Variants in SIDT2 observed in about 807,000 individuals in gnomAD.
The protein encoded by SIDT2 is SID1 transmembrane family member 2, also known as SID1 transmembrane family, member 2.
In SIDT2, 68 loss-of-function variants were observed where a neutral mutation model predicts 114.4. The observed-to-expected ratio is 0.59, with a 90% CI of 0.49 to 0.73. The LOEUF is 0.73. Ranked by LOEUF, SIDT2 falls within the 30% of genes least tolerant of loss-of-function variation. The probability of loss-of-function intolerance (pLI) is 0.00; values close to 1 mark genes in which losing one functional copy is unlikely to be tolerated. For synonymous variants in SIDT2, 470 were observed against 438.4 expected (o/e 1.07, Z -0.90); for missense variants, 918 against 1,097.1 (o/e 0.84, Z 2.31).
At chr11:117,185,871 CAA>C (rs34117588) in intron 8 of SIDT2, 1,992 of 178,988 alleles carry the variant, frequency 0.011, no homozygotes, top group South Asian at 0.033. Context: ...GAGCCCGTCT[CAA>C]AAAAAAAAAA....
In SIDT2 at chr11:117,182,549, G is replaced by C. The variant is rs770034122; in HGVS notation, c.547G>C (p.Asp183His). 3.1e-6 allele frequency: 5 copies of C among 1,614,066 alleles called. No homozygotes were observed. Among genetic ancestry groups the C allele is most frequent in the Non-Finnish European group, 4.2e-6 (5 of 1,180,034 alleles). The change falls in exon 5 of 26, where the codon GAC (aspartate) becomes CAC (histidine). Residue 183 changes from aspartate to histidine, a missense_variant. Asp to His is a moderately conservative substitution (Grantham distance 81). Transcript: ENST00000324225. ...YFKYEFPEGVDSVIVKVTSNK... is the reference protein window; with the variant it reads ...YFKYEFPEGVHSVIVKVTSNK... ...CAAGTATGAGTTCCCTGAAGGCGTGGACTCGGTAATTGTCAAGGTGACCTC... is the reference window on the plus strand; with the variant it reads ...CAAGTATGAGTTCCCTGAAGGCGTGCACTCGGTAATTGTCAAGGTGACCTC...
At position 117,179,379 on chromosome 11, in the gene SIDT2, A is replaced by G. The variant is rs2030171681; in HGVS notation, c.116A>G (p.Tyr39Cys). Reference sequence around the variant, plus strand: ...AAAGACGCCGAGTTTGAGCGCACCTACGTGGACGAGGTCAACAGCGAGCTG... The same window carrying G: ...AAAGACGCCGAGTTTGAGCGCACCTGCGTGGACGAGGTCAACAGCGAGCTG... ...SQKDAEFERT[Y>C]VDEVNSELVN... is the part of the protein sequence containing the mutation. Residue 39 changes from tyrosine to cysteine, a missense_variant, in exon 1 of 26, where the codon TAC (tyrosine) becomes TGC (cysteine). Tyr to Cys is a radical substitution (Grantham distance 194, BLOSUM62 -2). Coordinates refer to ENST00000324225, the MANE Select transcript of SIDT2 (RefSeq NM_001040455.2). 1.9e-6 allele frequency: 3 copies of G among 1,613,966 alleles called. No homozygotes were observed. The highest frequency in any genetic ancestry group is 1.3e-5 in the African/African-American group (1 of 74,904).
chr11:117,187,541 C>T, intron 11 of SIDT2, 87 bp from the exon 12 acceptor site: 1 of 1,589,390 alleles, frequency 6.3e-7, no homozygotes. Context: ...GAGCCACCTC[C>T]TCCAGCCCCC....
chr11:117,190,838 C>T lies in SIDT2; in HGVS notation c.1735+98C>T, dbSNP rs1312576601. 2.1e-6 allele frequency: 2 copies of T among 956,164 alleles called. No homozygotes were observed. The highest frequency in any genetic ancestry group is 2.4e-5 in the East Asian group (1 of 41,586). The allele number at this position is 956,164 out of a possible 1,614,324, so 59.2% of individuals were successfully genotyped here. On this transcript the variant is annotated intron_variant, in intron 18 of 25. Coordinates refer to ENST00000324225, the MANE Select transcript of SIDT2 (RefSeq NM_001040455.2). The surrounding 1 kb of genome is among the most constrained non-coding windows in gnomAD (Gnocchi z 4.1). ...TCACCCACAGGGATCGCTAAGACAC[C>T]CCTGTAGGAAACTCCAAGGCTGGCG... is the stretch of plus-strand genomic sequence containing the variant.
At chr11:117,183,943 AGAGCCTGC>A in intron 7 of SIDT2, 65 bp downstream of exon 7, 1 of 1,516,934 alleles carries the variant, frequency 6.6e-7, no homozygotes. Flanking sequence ...GGGAGCAAGA[AGAGCCTGC>A]GTGGCTGATT....
At chr11:117,183,732 T>A (rs1401182460) in intron 6 of SIDT2, 47 bp from the exon 7 acceptor site, 1 of 1,129,800 alleles carries the variant, frequency 8.9e-7, no homozygotes, top group East Asian at 2.4e-5. Context: ...TAGAAAAGAA[T>A]GATGATGATG....
intron 24 of SIDT2, among the ~76,000 whole-genome samples, chr11:117,194,858 G>T (rs1282262494): frequency 6.6e-6 from 1 of 152,024 alleles, no homozygotes; most frequent in Non-Finnish European, 1.5e-5. Context: ...GGAGGCCGAA[G>T]CGGGTGGATC....
In SIDT2 at chr11:117,179,332, G is replaced by A; in HGVS notation, c.69G>A (p.Leu23=). Reference sequence around the variant, plus strand: ...CGGTCGAGAGCCATCTGGGGGTTCTGGGGCCCAAGAACGTCTCGCAGAAAG... The same window carrying A: ...CGGTCGAGAGCCATCTGGGGGTTCTAGGGCCCAAGAACGTCTCGCAGAAAG... ...VASVESHLGV[L]GPKNVSQKDA... The change falls in exon 1 of 26, where the codon CTG becomes CTA. Residue 23 remains leucine (L), a synonymous_variant. Coordinates refer to ENST00000324225, the MANE Select transcript of SIDT2 (RefSeq NM_001040455.2). 1 of 1,614,180 alleles carries A rather than the reference G, an allele frequency of 6.2e-7. No homozygotes were observed. The highest frequency in any genetic ancestry group is 1.3e-5 in the African/African-American group (1 of 75,058).
chr11:117,182,002 G>T, intron 3 of SIDT2, 31 bp downstream of exon 3: 10 of 1,614,090 alleles, frequency 6.2e-6, no homozygotes, highest in Non-Finnish European at 8.5e-6. Flanking sequence ...GGACCACGGG[G>T]GCTGGTTCTT....
chr11:117,186,966 C>T (rs775349471), intron 10 of SIDT2: 63 of 1,468,528 alleles, frequency 4.3e-5, no homozygotes, highest in Non-Finnish European at 5.3e-5. Flanking sequence ...TGTCCTCCCT[C>T]CTGCGTGGGA....
chr11:117,178,989 C>A lies in SIDT2; in HGVS notation c.-275C>A, dbSNP rs1290341349. The A allele has an allele frequency of 4.2e-6, 2 of 478,346 alleles. No individual in the cohort carries two copies. The highest frequency in any genetic ancestry group is 7.5e-6 in the Non-Finnish European group (2 of 266,424). The allele number at this position is 478,346 out of a possible 1,614,324, so 29.6% of individuals were successfully genotyped here. Reference sequence around the variant, plus strand: ...GGCCCGGGGCTCCAGGGTCTCAGGTCGTACTCAGCCCCTCGCGAGCTGGGA... The same window carrying A: ...GGCCCGGGGCTCCAGGGTCTCAGGTAGTACTCAGCCCCTCGCGAGCTGGGA... On this transcript the variant is annotated 5_prime_UTR_variant, in exon 1 of 26. Coordinates refer to ENST00000324225, the MANE Select transcript of SIDT2 (RefSeq NM_001040455.2).
In SIDT2 at chr11:117,192,944, A is replaced by G. The variant is rs2030758086; in HGVS notation, c.2105+78A>G. 7.6e-6 allele frequency: 12 copies of G among 1,570,422 alleles called. No individual in the cohort carries two copies. The South Asian group carries it at 1.3e-4, about 17-fold the overall frequency. ...TCAGCCACTGGCTGCCTTGGGGGCT[A>G]AGGACAACTTCCAAATGTTGGGCAT... is the stretch of plus-strand genomic sequence containing the variant. On this transcript the variant is annotated intron_variant, in intron 22 of 25. Coordinates refer to ENST00000324225, the MANE Select transcript of SIDT2 (RefSeq NM_001040455.2). This position sits in a 1 kb window ranked among gnomAD's most constrained non-coding sequence, Gnocchi z 5.9.
intron 6 of SIDT2, among the ~76,000 whole-genome samples, chr11:117,183,213 C>T (rs2030363348): frequency 1.3e-5 from 2 of 151,146 alleles, no homozygotes; most frequent in South Asian, 4.2e-4. Flanking sequence ...GGCATGGTGG[C>T]GCATGCCTGT....
chr11:117,187,766 TG>T, intron 12 of SIDT2, 67 bp downstream of exon 12: 3 of 1,515,248 alleles, frequency 2.0e-6, no homozygotes, highest in Non-Finnish European at 2.7e-6. Context: ...AATGTCACGG[TG>T]GGCGGTTGCC....
intron 13 of SIDT2, 144 bp from the exon 14 acceptor site, chr11:117,189,025 C>A: frequency 1.0e-6 from 1 of 1,004,864 alleles, no homozygotes; most frequent in Non-Finnish European, 1.5e-6. Context: ...TTGGTCTAAG[C>A]GGCCGCAGCA....
At chr11:117,183,528 C>T (rs1214082110) in intron 6 of SIDT2, among the ~76,000 whole-genome samples, 1 of 151,850 alleles carries the variant, frequency 6.6e-6, no homozygotes, top group Admixed American at 6.6e-5. Context: ...ATCCCAGCTA[C>T]TTGGGAGGTT....
rs867234857 is a variant in SIDT2, at chr11:117,184,282, G to C, written c.868+143G>C. 3.3e-5 allele frequency: 25 copies of C among 749,590 alleles called. No homozygotes were observed. The African/African-American group carries it at 3.5e-4, about 10-fold the overall frequency. The allele number at this position is 749,590 out of a possible 1,614,324, so 46.4% of individuals were successfully genotyped here. ...TAGGAACGGGGAGTGTTCTTGGCAG[G>C]CTTCTAGATGGGGAGGGCCGGGAGG... On this transcript the variant is annotated intron_variant, in intron 8 of 25. Transcript: ENST00000324225.
intron 1 of SIDT2, among the ~76,000 whole-genome samples, chr11:117,181,177 G>A (rs991573568): frequency 2.2e-4 from 33 of 152,200 alleles, no homozygotes; most frequent in Middle Eastern, 3.4e-3. Context: ...GAGACCCTGC[G>A]GTTGCTTGGG....
chr11:117,187,626 A>G lies in SIDT2; in HGVS notation c.1088-2A>G. On this transcript the variant is annotated splice_acceptor_variant, in intron 11 of 25. Transcript: ENST00000324225. LOFTEE classifies it high-confidence loss of function. ...TGCCTCACCACTGATCGTTCCCCAC[A>G]GAGAATGTTTCTGGATCTACCGATG... is the stretch of plus-strand genomic sequence containing the variant. 1 of 1,614,086 alleles carries G rather than the reference A, an allele frequency of 6.2e-7. No homozygotes were observed. The highest frequency in any genetic ancestry group is 8.5e-7 in the Non-Finnish European group (1 of 1,179,976).
Sources: gnomAD v4.1 joint callset for allele counts (sites outside exome capture counted in the v4.1 genomes callset) on GRCh38, gnomAD v4.1.1 for gene constraint, Gnocchi (gnomAD v3.1) non-coding constraint, MANE v1.5 for transcripts, NCBI Gene and HGNC (gene_info 2026-07-23, HGNC 2026-07-21) for gene names.